Variants in HP1BP3 observed in about 807,000 individuals in gnomAD.
HP1BP3 encodes the protein heterochromatin protein 1-binding protein 3.
In HP1BP3, 12 loss-of-function variants were observed where a neutral mutation model predicts 62.5. The ratio of observed to expected loss-of-function variants is 0.19; its 90% CI spans 0.12 to 0.31. HP1BP3 has a LOEUF of 0.31. Among genes scored for constraint, HP1BP3 ranks in the 10% least tolerant of loss-of-function variants. The pLI is 1.00. For synonymous variants in HP1BP3, 260 were observed against 237.8 expected, an observed-to-expected ratio of 1.09 and a Z score of -0.86; for missense variants, 502 against 651.8, an observed-to-expected ratio of 0.77 and a Z score of 2.50.
At chr1:20,749,160 T>A (rs1411335477) in intron 10 of HP1BP3, among the ~76,000 whole-genome samples, 2 of 152,172 alleles carry the variant, frequency 1.3e-5, no homozygotes, top group African/African-American at 4.8e-5. Flanking sequence ...TTATCTAAAT[T>A]ACAATAAATA....
rs188838570 is a variant in HP1BP3 at position 20,780,761 on chromosome 1, A to G, written c.-100-221T>C. Reference sequence around the variant, plus strand: ...AGCCACGGCAGCTGTTGCACCTTCCACATGAACAAAGACAACAAGGGCAAG... The same window carrying G: ...AGCCACGGCAGCTGTTGCACCTTCCGCATGAACAAAGACAACAAGGGCAAG... On this transcript the variant is annotated intron_variant, in intron 1 of 12. Transcript: ENST00000438032. Among the ~76,000 whole-genome samples, 174 of 152,300 alleles carry G rather than the reference A, an allele frequency of 1.1e-3. 1 individual carries two copies. Among genetic ancestry groups the G allele is most frequent in the African/African-American group, 4.0e-3 (168 of 41,560 alleles).
At chr1:20,750,112 C>T (rs1406294657) in intron 9 of HP1BP3, 1 of 729,162 alleles carries the variant, frequency 1.4e-6, no homozygotes, top group Non-Finnish European at 2.0e-6. Context: ...CCTCCATCCA[C>T]CCTAAAATAA....
At chr1:20,757,316 G>GA in intron 8 of HP1BP3, 60 bp from the exon 9 acceptor site, 4 of 963,378 alleles carry the variant, frequency 4.2e-6, no homozygotes, top group Non-Finnish European at 6.4e-6. Flanking sequence ...AAAATGTAAA[G>GA]AAATAGATAC....
chr1:20,769,674 G>A (rs2056964958), intron 6 of HP1BP3, among the ~76,000 whole-genome samples: 1 of 152,130 alleles, frequency 6.6e-6, no homozygotes, highest in Non-Finnish European at 1.5e-5. Flanking sequence ...CCACCTCAGC[G>A]TACAGGTATG....
intron 9 of HP1BP3, among the ~76,000 whole-genome samples, chr1:20,751,316 C>T (rs185979492): frequency 2.3e-4 from 34 of 150,676 alleles, no homozygotes; most frequent in Admixed American, 4.0e-4. Flanking sequence ...TTTTACTGCA[C>T]GGGGGATCTG....
chr1:20,763,739 C>T (rs2056614218), intron 8 of HP1BP3, among the ~76,000 whole-genome samples: 1 of 152,134 alleles, frequency 6.6e-6, no homozygotes, highest in Non-Finnish European at 1.5e-5. Context: ...CGTTAAATGG[C>T]AAATTTTACG....
rs1345053822 is a variant in HP1BP3, at chr1:20,741,875, TATAA to T, written c.*2918_*2921del. ...CCTTTCTGAACATGGAAGTAAAAATTATAAATGTGTTCTGCTCCTTTGGAATGCC... is the reference window on the plus strand; with the variant it reads ...CCTTTCTGAACATGGAAGTAAAAATTATGTGTTCTGCTCCTTTGGAATGCC... On this transcript the variant is annotated 3_prime_UTR_variant, in exon 13 of 13. Coordinates refer to ENST00000438032, the MANE Select transcript of HP1BP3 (RefSeq NM_001372052.1). 6.6e-6 allele frequency among the ~76,000 whole-genome samples: 1 copy of T among 152,224 alleles called. No homozygotes were observed. Among genetic ancestry groups the T allele is most frequent in the Non-Finnish European group, 1.5e-5 (1 of 68,046 alleles).
At chr1:20,745,168 A>G in intron 12 of HP1BP3, 77 bp from the exon 13 acceptor site, 1 of 1,482,846 alleles carries the variant, frequency 6.7e-7, no homozygotes, top group Non-Finnish European at 9.0e-7. Context: ...GATGCTTTCT[A>G]AAGAGAAACG....
chr1:20,785,968 ATT>A (rs2057804111), intron 1 of HP1BP3, among the ~76,000 whole-genome samples: 1 of 152,230 alleles, frequency 6.6e-6, no homozygotes, highest in Admixed American at 6.5e-5. Flanking sequence ...GCCCCAGGCG[ATT>A]TTTAGACGTT....
chr1:20,778,089 CTT>C (rs1251111785), intron 3 of HP1BP3, among the ~76,000 whole-genome samples: 2 of 152,198 alleles, frequency 1.3e-5, no homozygotes, highest in Non-Finnish European at 2.9e-5. Context: ...TTTATTTACA[CTT>C]TGTCTTATTC....
chr1:20,778,767 C>T (rs1268886147), intron 3 of HP1BP3, among the ~76,000 whole-genome samples: 1 of 151,538 alleles, frequency 6.6e-6, no homozygotes, highest in African/African-American at 2.4e-5. Context: ...ACCAAGGATG[C>T]ATGTATTTTC....
At chr1:20,756,475 C>G (rs933553432) in intron 9 of HP1BP3, among the ~76,000 whole-genome samples, 3 of 151,802 alleles carry the variant, frequency 2.0e-5, no homozygotes, top group Admixed American at 6.6e-5. Context: ...GAGGCTGACG[C>G]TGGAGGACCC....
At chr1:20,770,007 A>G (rs2056981818) in intron 6 of HP1BP3, among the ~76,000 whole-genome samples, 1 of 152,242 alleles carries the variant, frequency 6.6e-6, no homozygotes, top group African/African-American at 2.4e-5. Context: ...GTAAGACCTT[A>G]GCAGTTATTT....
chr1:20,778,572 G>C (rs911300883), intron 3 of HP1BP3, among the ~76,000 whole-genome samples: 2 of 152,170 alleles, frequency 1.3e-5, no homozygotes, highest in African/African-American at 4.8e-5. Flanking sequence ...TGCTGGACAA[G>C]ATAACCTATC....
intron 10 of HP1BP3, among the ~76,000 whole-genome samples, chr1:20,748,394 A>G (rs368829067): frequency 1.3e-5 from 2 of 152,366 alleles, no homozygotes; most frequent in African/African-American, 4.8e-5. Context: ...AAACAGCTGC[A>G]AATATCAGTG....
intron 9 of HP1BP3, among the ~76,000 whole-genome samples, chr1:20,753,268 A>G (rs1296133980): frequency 6.6e-6 from 1 of 152,202 alleles, no homozygotes; most frequent in African/African-American, 2.4e-5. Flanking sequence ...TTAAAGAAAT[A>G]ACTGACAGCT....
rs184771586 is a variant in HP1BP3, at chr1:20,743,201, A to C, written c.*1596T>G. On this transcript the variant is annotated 3_prime_UTR_variant, in exon 13 of 13. Transcript: ENST00000438032. ...TGTGGAAAGAAAGGAGGGGAAAAAA[A>C]CCCACAAATAAATGTAGAATCTAGT... is the stretch of plus-strand genomic sequence containing the variant. 2.0e-5 allele frequency: 3 copies of C among 152,640 alleles called. No individual in the cohort carries two copies. The highest frequency in any genetic ancestry group is 2.1e-4 in the South Asian group (1 of 4,830). 9.5% of individuals were successfully genotyped at this position (152,640 alleles called of 1,614,324 possible). A position where few individuals can be genotyped will look rare whatever the true frequency, so the allele number is the denominator to read the frequency against.
At chr1:20,776,079 G>T in intron 4 of HP1BP3, 1 of 1,294,150 alleles carries the variant, frequency 7.7e-7, no homozygotes, top group Non-Finnish European at 1.0e-6. Context: ...CACATCAATA[G>T]CAAATTTTAC....
intron 8 of HP1BP3, among the ~76,000 whole-genome samples, chr1:20,760,250 G>A (rs1396270889): frequency 6.6e-6 from 1 of 152,056 alleles, no homozygotes; most frequent in African/African-American, 2.4e-5. Context: ...GTAGAAAGGC[G>A]ACATGACACT....
Sources: allele counts gnomAD v4.1 joint callset (sites outside exome capture counted in the v4.1 genomes callset), GRCh38; gene constraint gnomAD v4.1.1; transcripts MANE v1.5; gene names NCBI Gene and HGNC (gene_info 2026-07-23, HGNC 2026-07-21).